The following NCOA2 variants were observed in gnomAD, a reference collection of about 807,000 sequenced individuals.
NCOA2 encodes the protein nuclear receptor coactivator 2.
A neutral mutation model predicts 145.1 loss-of-function variants in NCOA2; 21 were observed. The observed-to-expected ratio is 0.14, with a 90% confidence interval of 0.10 to 0.21. NCOA2 has a LOEUF of 0.21. Among genes scored for constraint, NCOA2 ranks in the 10% least tolerant of loss-of-function variants. The probability of loss-of-function intolerance (pLI) is 1.00; values close to 1 mark genes in which losing one functional copy is unlikely to be tolerated. For synonymous variants in NCOA2, 619 were observed against 637.5 expected (o/e 0.97, Z 0.44); for missense variants, 1,472 against 1,837.6 (o/e 0.80, Z 3.64).
chr8:70,180,119 G>T (rs1290013010), intron 4 of NCOA2, among the ~76,000 whole-genome samples: 1 of 152,108 alleles, frequency 6.6e-6, no homozygotes, highest in Admixed American at 6.5e-5. Flanking sequence ...CACGACCTAA[G>T]AAAGTAACAA....
chr8:70,297,039 GT>G (rs1297548687), intron 1 of NCOA2, among the ~76,000 whole-genome samples: 1 of 152,086 alleles, frequency 6.6e-6, no homozygotes, highest in East Asian at 1.9e-4. Context: ...GCATTTCATT[GT>G]GAATTATGAA....
intron 1 of NCOA2, among the ~76,000 whole-genome samples, chr8:70,359,843 T>C (rs2130990349): frequency 6.6e-6 from 1 of 152,318 alleles, no homozygotes; most frequent in Non-Finnish European, 1.5e-5. Flanking sequence ...GTAATCACTC[T>C]ACATTTTATT....
chr8:70,311,251 G>A (rs1805092716), intron 1 of NCOA2, among the ~76,000 whole-genome samples: 1 of 151,932 alleles, frequency 6.6e-6, no homozygotes, highest in African/African-American at 2.4e-5. Context: ...ATTTTCTCTT[G>A]AAAATATTTT....
chr8:70,418,982 A>C, the NCOA2 span, among the ~76,000 whole-genome samples: 1 of 152,062 alleles, frequency 6.6e-6, no homozygotes, highest in African/African-American at 2.4e-5. Flanking sequence ...TGAGTGCTCT[A>C]TTCAGTATGC....
rs968542513 is a variant in NCOA2, at chr8:70,289,864, G to A, written c.-20+6880C>T. Among the ~76,000 whole-genome samples, 11 of 151,334 alleles carry A rather than the reference G, an allele frequency of 7.3e-5. No homozygotes were observed. The East Asian group carries it at 7.8e-4, about 11-fold the overall frequency. The stretch of plus-strand genomic sequence containing the variant: ...TTAAGAGACTGGATCTTGCTATGTC[G>A]CCCAAGCTGGGGTGCAGTGGCTATT... On this transcript the variant is annotated intron_variant, in intron 2 of 22. Coordinates refer to ENST00000452400, the MANE Select transcript of NCOA2 (RefSeq NM_006540.4).
At chr8:70,452,019 G>C in the NCOA2 span, among the ~76,000 whole-genome samples, 1 of 152,148 alleles carries the variant, frequency 6.6e-6, no homozygotes, top group African/African-American at 2.4e-5. Context: ...CTGTTGCCCA[G>C]GCTGGAATGC....
rs1585740595 is a variant in NCOA2 at position 70,126,725 on chromosome 8, G to T, written c.3916+88C>A. The stretch of plus-strand genomic sequence containing the variant: ...CAGATTCATCTGGGAGCCATGCAAA[G>T]AGCTGTGAGAGAGGAGCTGTGACCC... On this transcript the variant is annotated intron_variant, in intron 19 of 22. Transcript: ENST00000452400. 5 of 1,101,114 alleles carry T rather than the reference G, an allele frequency of 4.5e-6. No individual in the cohort carries two copies. In the East Asian group the frequency reaches 1.2e-4, roughly 27 times the overall value. 68.2% of individuals were successfully genotyped at this position (1,101,114 alleles called of 1,614,324 possible).
intron 3 of NCOA2, among the ~76,000 whole-genome samples, chr8:70,214,997 TCTCTAA>T (rs1181571292): frequency 6.6e-6 from 1 of 152,152 alleles, no homozygotes; most frequent in African/African-American, 2.4e-5. Flanking sequence ...CATATATGCA[TCTCTAA>T]ATATGTTTGA....
intron 2 of NCOA2, among the ~76,000 whole-genome samples, chr8:70,220,579 T>C (rs1182906580): frequency 2.0e-5 from 3 of 152,184 alleles, no homozygotes; most frequent in Non-Finnish European, 4.4e-5. Flanking sequence ...CTCTAAAAAG[T>C]AACAATATTC....
upstream of NCOA2, among the ~76,000 whole-genome samples, chr8:70,406,952 A>G (rs1395339276): frequency 6.6e-6 from 1 of 152,248 alleles, no homozygotes; most frequent in Non-Finnish European, 1.5e-5. Context: ...GACCTCAAAC[A>G]AGTCACTAAA....
At chr8:70,122,403 C>A (rs1807922629) in intron 21 of NCOA2, among the ~76,000 whole-genome samples, 1 of 152,102 alleles carries the variant, frequency 6.6e-6, no homozygotes, top group Admixed American at 6.5e-5. Context: ...GCACCTGCCA[C>A]CATGCCTAGC....
chr8:70,141,179 C>G lies in NCOA2; in HGVS notation c.3028+5G>C. 6.2e-7 allele frequency: 1 copy of G among 1,612,858 alleles called. No homozygotes were observed. On this transcript the variant is annotated splice_donor_5th_base_variant and intron_variant, in intron 14 of 22. Coordinates refer to ENST00000452400, the MANE Select transcript of NCOA2 (RefSeq NM_006540.4). Reference sequence around the variant, plus strand: ...TAAAAGCAAACAGCACTAGAGCCACCTTACCTATATTCATGACCTGAGACT... The same window carrying G: ...TAAAAGCAAACAGCACTAGAGCCACGTTACCTATATTCATGACCTGAGACT...
In NCOA2 at chr8:70,177,469, C is replaced by T. The variant is rs73687618; in HGVS notation, c.260-2610G>A. 6.8e-3 allele frequency among the ~76,000 whole-genome samples: 1,038 copies of T among 152,262 alleles called. 13 individuals are homozygous for T. The highest frequency in any genetic ancestry group is 0.024 in the Middle Eastern group (7 of 294). ...AGGCTAGACCCACCACCAGCACTTC[C>T]TCCCAGAAGCATGGGAGCAAGTGGG... On this transcript the variant is annotated intron_variant, in intron 4 of 22. Transcript: ENST00000452400.
At chr8:70,232,421 A>G (rs1024413596) in intron 2 of NCOA2, among the ~76,000 whole-genome samples, 1 of 152,154 alleles carries the variant, frequency 6.6e-6, no homozygotes, top group African/African-American at 2.4e-5. Context: ...CTGCCTGTCA[A>G]TCCTTTACTT....
chr8:70,444,075 C>G, the NCOA2 span, among the ~76,000 whole-genome samples: 3 of 152,108 alleles, frequency 2.0e-5, no homozygotes, highest in Admixed American at 6.5e-5. Context: ...CAAATGTTTA[C>G]AGCAGTTTTA....
chr8:70,135,342 A>AC (rs1809612682), intron 15 of NCOA2, among the ~76,000 whole-genome samples: 1 of 152,140 alleles, frequency 6.6e-6, no homozygotes, highest in Non-Finnish European at 1.5e-5. Context: ...ACAACTTCAC[A>AC]CCATGCTCAC....
chr8:70,380,364 A>G (rs1033668802), intron 1 of NCOA2, among the ~76,000 whole-genome samples: 1 of 152,022 alleles, frequency 6.6e-6, no homozygotes, highest in African/African-American at 2.4e-5. Flanking sequence ...CTTAATTCAT[A>G]CTCCTCACTC....
intron 1 of NCOA2, among the ~76,000 whole-genome samples, chr8:70,346,592 A>C (rs926511550): frequency 6.6e-5 from 10 of 152,228 alleles, no homozygotes; most frequent in Non-Finnish European, 7.3e-5. Flanking sequence ...ACACATATCC[A>C]AAAGTGGAGT....
chr8:70,248,549 T>TG (rs1312359375), intron 2 of NCOA2, among the ~76,000 whole-genome samples: 2 of 152,166 alleles, frequency 1.3e-5, no homozygotes, highest in African/African-American at 4.8e-5. Context: ...TGCATGGTCT[T>TG]GGGGGATTGC....
Sources: gnomAD v4.1 joint callset for allele counts (sites outside exome capture counted in the v4.1 genomes callset) on GRCh38, gnomAD v4.1.1 for gene constraint, MANE v1.5 for transcripts, NCBI Gene and HGNC (gene_info 2026-07-23, HGNC 2026-07-21) for gene names.